GATA4: variants seen among roughly 807,000 people sequenced by gnomAD.
GATA4 encodes transcription factor GATA-4.
In GATA4, 7 loss-of-function variants were observed where a neutral mutation model predicts 37.9. That is an observed-to-expected ratio of 0.18 (90% CI 0.11 to 0.35). GATA4 has a LOEUF of 0.35. Among genes scored for constraint, GATA4 ranks in the 10% least tolerant of loss-of-function variants. GATA4 has a pLI of 1.00. For missense variants in GATA4, 647 were observed against 653.0 expected (o/e 0.99, Z 0.10); for synonymous variants, 372 against 292.6 (o/e 1.27, Z -2.77).
At chr8:11,735,475 G>C (rs1204220053) in intron 2 of GATA4, among the ~76,000 whole-genome samples, 1 of 152,198 alleles carries the variant, frequency 6.6e-6, no homozygotes, top group Non-Finnish European at 1.5e-5. Flanking sequence ...GAAGATATCT[G>C]GAAAAACAGG....
intron 1 of GATA4, chr8:11,693,127 G>C (rs577760961): frequency 1.0e-6 from 1 of 953,978 alleles, no homozygotes; most frequent in Non-Finnish European, 1.2e-6. Flanking sequence ...GTCTGTTAAC[G>C]ATGTGGTGTT....
At chr8:11,704,980 G>A (rs536009041) in intron 1 of GATA4, among the ~76,000 whole-genome samples, 1 of 152,256 alleles carries the variant, frequency 6.6e-6, no homozygotes, top group African/African-American at 2.4e-5. Flanking sequence ...GACCGGAGCC[G>A]TGACTTCCCT....
intron 1 of GATA4, among the ~76,000 whole-genome samples, chr8:11,682,702 C>G (rs370379626): frequency 1.3e-5 from 2 of 152,192 alleles, no homozygotes; most frequent in Admixed American, 1.3e-4. Context: ...TGAAAGTCAG[C>G]TATGTCTCCT....
chr8:11,757,677 AGC>A (rs1802669186), intron 6 of GATA4, among the ~76,000 whole-genome samples: 1 of 152,190 alleles, frequency 6.6e-6, no homozygotes, highest in Non-Finnish European at 1.5e-5. Context: ...CATGAGACCC[AGC>A]TCTGCACGTG....
At position 11,758,477 on chromosome 8, in the gene GATA4, C is replaced by A; in HGVS notation, c.*2C>A. ...CACGGGGACATAATCACTGCGTAAT[C>A]TTCCCTCTTCCCTCCTCAAATTCCT... On this transcript the variant is annotated 3_prime_UTR_variant, in exon 7 of 7. Transcript: ENST00000532059. 2 of 1,614,056 alleles carry A rather than the reference C, an allele frequency of 1.2e-6. No individual in the cohort carries two copies. Among genetic ancestry groups the A allele is most frequent in the Non-Finnish European group, 1.7e-6 (2 of 1,179,888 alleles).
Position 11,679,177 on chromosome 8 carries a change from TGCG to T in GATA4, c.-274+2116_-274+2118del, listed in dbSNP as rs1198700024. 2.8e-4 allele frequency among the ~76,000 whole-genome samples: 37 copies of T among 130,468 alleles called. 2 individuals carry two copies. Among genetic ancestry groups the T allele is most frequent in the East Asian group, 8.6e-4 (4 of 4,638 alleles). The allele number at this position is 130,468 out of a possible 152,430, so 85.6% of individuals were successfully genotyped here. On this transcript the variant is annotated intron_variant, in intron 1 of 6. Coordinates refer to the GATA4 transcript ENST00000528712. Reference sequence around the variant, plus strand: ...GATTCGAGGCAATTATCCGAATAATTGCGGGGGGGGGCACTTTCGCCTGAATTA... The same window carrying T: ...GATTCGAGGCAATTATCCGAATAATTGGGGGGGGCACTTTCGCCTGAATTA...
chr8:11,743,894 CT>C (rs1358329626), intron 2 of GATA4, among the ~76,000 whole-genome samples: 1 of 152,136 alleles, frequency 6.6e-6, no homozygotes, highest in Non-Finnish European at 1.5e-5. Context: ...TTAAAAAAAA[CT>C]TTTTTTAGCA....
At chr8:11,677,681 G>A (rs964118363) in intron 1 of GATA4, among the ~76,000 whole-genome samples, 5 of 152,196 alleles carry the variant, frequency 3.3e-5, no homozygotes, top group Non-Finnish European at 7.3e-5. Flanking sequence ...TTAGTTAGTA[G>A]CTAGGTCTCA....
At chr8:11,683,774 A>T (rs1328050344) in intron 1 of GATA4, among the ~76,000 whole-genome samples, 1 of 152,134 alleles carries the variant, frequency 6.6e-6, no homozygotes, top group Non-Finnish European at 1.5e-5. Flanking sequence ...AGGGCCCCAG[A>T]GGTTATCTAG....
intron 2 of GATA4, among the ~76,000 whole-genome samples, chr8:11,710,573 T>G (rs2130085541): frequency 6.8e-6 from 1 of 147,234 alleles, no homozygotes; most frequent in South Asian, 2.2e-4. Flanking sequence ...GCCTGTAGTC[T>G]CAGCTACTGG....
At chr8:11,681,313 C>A in intron 1 of GATA4, 1 of 985,414 alleles carries the variant, frequency 1.0e-6, no homozygotes, top group African/African-American at 1.7e-5. Context: ...ACTGTCTTCA[C>A]CACTTCTCGA....
At chr8:11,736,300 C>T (rs111348425) in intron 2 of GATA4, among the ~76,000 whole-genome samples, 56 of 152,350 alleles carry the variant, frequency 3.7e-4, no homozygotes, top group African/African-American at 1.3e-3. Flanking sequence ...GAATGCAGTG[C>T]CACGTTGAAT....
At chr8:11,725,383 G>A (rs560994907) in intron 2 of GATA4, among the ~76,000 whole-genome samples, 5 of 152,204 alleles carry the variant, frequency 3.3e-5, no homozygotes, top group African/African-American at 1.2e-4. Flanking sequence ...TTGAAGCCCC[G>A]TGCATCACGC....
chr8:11,687,835 A>G (rs953193285), upstream of GATA4, among the ~76,000 whole-genome samples: 1 of 152,158 alleles, frequency 6.6e-6, no homozygotes, highest in Admixed American at 6.5e-5. Flanking sequence ...ACACAGCTAC[A>G]AGGCTCCTAG....
At position 11,707,986 on chromosome 8, in the gene GATA4, C is replaced by T; in HGVS notation, c.-327C>T. The T allele has an allele frequency of 2.6e-6, 1 of 382,486 alleles. No individual in the cohort carries two copies. Among genetic ancestry groups the T allele is most frequent in the Non-Finnish European group, 5.0e-6 (1 of 200,384 alleles). 23.7% of individuals were successfully genotyped at this position (382,486 alleles called of 1,614,324 possible). A position where few individuals can be genotyped will look rare whatever the true frequency, so the allele number is the denominator to read the frequency against. On this transcript the variant is annotated 5_prime_UTR_variant, in exon 2 of 7. It adds an upstream start codon to the 5' untranslated region. Transcript: ENST00000532059. This position sits in a 1 kb window ranked among gnomAD's most constrained non-coding sequence, Gnocchi z 4.7. Reference sequence around the variant, plus strand: ...CTCGTGCGCCACCTCCAGGCCTGGACGCTGCCCTCCGTCTTCTGCCCCCAA... The same window carrying T: ...CTCGTGCGCCACCTCCAGGCCTGGATGCTGCCCTCCGTCTTCTGCCCCCAA...
intron 1 of GATA4, among the ~76,000 whole-genome samples, chr8:11,698,903 C>T (rs1252922080): frequency 1.3e-5 from 2 of 152,142 alleles, no homozygotes; most frequent in Non-Finnish European, 2.9e-5. Context: ...TTTGTGCCAC[C>T]CAGGCTGGGC....
chr8:11,731,170 C>T (rs1403667478), intron 2 of GATA4, among the ~76,000 whole-genome samples: 3 of 152,186 alleles, frequency 2.0e-5, no homozygotes, highest in South Asian at 2.1e-4. Context: ...TATGAAGACC[C>T]GGTTTTGAGG....
chr8:11,677,790 C>G (rs1798830327), intron 1 of GATA4, among the ~76,000 whole-genome samples: 1 of 152,028 alleles, frequency 6.6e-6, no homozygotes. Context: ...GGAGCCAGAC[C>G]TGAGATGGGA....
upstream of GATA4, among the ~76,000 whole-genome samples, chr8:11,691,712 T>A (rs913205309): frequency 6.6e-6 from 1 of 152,086 alleles, no homozygotes; most frequent in African/African-American, 2.4e-5. Flanking sequence ...AGGAGCTCCC[T>A]CCAGCCTCAA....
Sources: allele counts gnomAD v4.1 joint callset (sites outside exome capture counted in the v4.1 genomes callset), GRCh38; gene constraint gnomAD v4.1.1; non-coding constraint Gnocchi (gnomAD v3.1); transcripts MANE v1.5; gene names NCBI Gene and HGNC (gene_info 2026-07-23, HGNC 2026-07-21).